The following GNE variants were observed in gnomAD, a reference collection of about 807,000 sequenced individuals.
The protein encoded by GNE is bifunctional UDP-N-acetylglucosamine 2-epimerase/N-acetylmannosamine kinase.
A neutral mutation model predicts 61.8 loss-of-function variants in GNE; 41 were observed. The ratio of observed to expected loss-of-function variants is 0.66; its 90% confidence interval spans 0.52 to 0.86. GNE has a LOEUF of 0.86. GNE is among the 40% of genes least tolerant of loss of function. The pLI, the probability that GNE is intolerant of heterozygous loss-of-function variation, is 0.00. For missense variants in GNE, 608 were observed against 909.1 expected (o/e 0.67, Z 4.26); for synonymous variants, 264 against 326.4 (o/e 0.81, Z 2.06).
chr9:36,260,851 AG>A (rs1427063209), upstream of GNE, among the ~76,000 whole-genome samples: 1 of 127,456 alleles, frequency 7.8e-6, no homozygotes, highest in Non-Finnish European at 1.6e-5. Flanking sequence ...CCTGGGCAAC[AG>A]AGCGAGACTC....
intron 1 of GNE, among the ~76,000 whole-genome samples, chr9:36,250,380 G>C (rs1887522): frequency 0.53 from 81,223 of 151,944 alleles, 23,233 homozygotes; most frequent in Non-Finnish European, 0.65. Context: ...ATCTCCTGCT[G>C]TATGTCCTAT....
chr9:36,235,226 C>A (rs1829341976), intron 4 of GNE, among the ~76,000 whole-genome samples: 1 of 152,160 alleles, frequency 6.6e-6, no homozygotes. Context: ...AACTGTAGTA[C>A]ATGGCACACC....
chr9:36,217,233 A>G lies in GNE; in HGVS notation c.*132T>C. 1.4e-6 allele frequency: 1 copy of G among 720,228 alleles called. No homozygotes were observed. The highest frequency in any genetic ancestry group is 1.5e-5 in the South Asian group (1 of 66,760). 44.6% of individuals were successfully genotyped at this position (720,228 alleles called of 1,614,324 possible). A position where few individuals can be genotyped will look rare whatever the true frequency, so the allele number is the denominator to read the frequency against. The stretch of plus-strand genomic sequence containing the variant: ...ACTCTGGAAGAGGAGACCAAAAGTG[A>G]AAACATTTCTCTGCCAAAGTCACCT... On this transcript the variant is annotated 3_prime_UTR_variant, in exon 12 of 12. Coordinates refer to ENST00000642385, the MANE Select transcript of GNE (RefSeq NM_005476.7).
At chr9:36,242,791 G>C (rs1332887408) in intron 3 of GNE, among the ~76,000 whole-genome samples, 1 of 135,748 alleles carries the variant, frequency 7.4e-6, no homozygotes, top group Admixed American at 7.9e-5. Context: ...AGGCTGGAGT[G>C]TGGAGTGCAG....
chr9:36,262,591 C>T (rs190401435), upstream of GNE, among the ~76,000 whole-genome samples: 228 of 152,262 alleles, frequency 1.5e-3, 1 homozygote, highest in Non-Finnish European at 1.6e-3. Flanking sequence ...AAAAAAATTA[C>T]TTATGGCTTT....
chr9:36,240,933 G>C (rs886505647), intron 3 of GNE, among the ~76,000 whole-genome samples: 1 of 152,076 alleles, frequency 6.6e-6, no homozygotes, highest in African/African-American at 2.4e-5. Flanking sequence ...TCTAGTTTAT[G>C]TGTGTCAAGG....
At chr9:36,224,105 T>G (rs894087039) in intron 7 of GNE, among the ~76,000 whole-genome samples, 3 of 151,824 alleles carry the variant, frequency 2.0e-5, no homozygotes, top group Non-Finnish European at 4.4e-5. Flanking sequence ...CCTAGTTCAT[T>G]AAAAGACCAT....
chr9:36,253,677 T>G (rs1830209694), intron 1 of GNE, among the ~76,000 whole-genome samples: 1 of 152,170 alleles, frequency 6.6e-6, no homozygotes, highest in Non-Finnish European at 1.5e-5. Context: ...TGCAAAATTT[T>G]GGAAATTGCT....
Position 36,227,329 on chromosome 9 carries a change from A to G in GNE, c.1200T>C (p.Ile400=), listed in dbSNP as rs1173945551. The change falls in exon 7 of 12, where the codon ATT becomes ATC. Residue 400 remains isoleucine (I), a synonymous_variant. Coordinates refer to ENST00000642385, the MANE Select transcript of GNE (RefSeq NM_005476.7). The stretch of plus-strand genomic sequence containing the variant: ...CACTTAGAGTTTCAAGAATATGGTC[A>G]ATATCTTGAGAGATATTCTCCTTCA... The part of the protein sequence containing the change: ...PPVKENISQD[I]DHILETLSAL... 5.6e-6 allele frequency: 9 copies of G among 1,613,256 alleles called. No individual in the cohort carries two copies. The highest frequency in any genetic ancestry group is 7.6e-6 in the Non-Finnish European group (9 of 1,179,148).
chr9:36,265,293 G>C (rs1401051425), intron 1 of GNE: 1 of 429,418 alleles, frequency 2.3e-6, no homozygotes, highest in Non-Finnish European at 4.7e-6. Flanking sequence ...GGAATCCGTG[G>C]GGCCAAGAAC....
exon 1 of GNE, chr9:36,276,972 G>A (rs1044591281): frequency 6.2e-7 from 1 of 1,613,052 alleles, no homozygotes; most frequent in Non-Finnish European, 8.5e-7. Context: ...GTACCCTAGT[G>A]TGGTTTGAAA....
upstream of GNE, among the ~76,000 whole-genome samples, chr9:36,261,640 G>C (rs547063885): frequency 6.6e-6 from 1 of 151,780 alleles, no homozygotes; most frequent in African/African-American, 2.4e-5. Flanking sequence ...TTGAAGTCAG[G>C]TCAGGCGTGG....
chr9:36,269,905 G>A (rs539485263), intron 1 of GNE, among the ~76,000 whole-genome samples: 89 of 151,826 alleles, frequency 5.9e-4, no homozygotes, highest in African/African-American at 2.0e-3. Context: ...CAGGTGATCC[G>A]CCCATCTTGG....
Position 36,227,233 on chromosome 9 carries a change from T to C in GNE, c.1281+15A>G, listed in dbSNP as rs763953740. On this transcript the variant is annotated intron_variant, in intron 7 of 11. Transcript: ENST00000642385. ...CATATGGGATATAAAGTTAGGAGTT[T>C]AGGAGTTATTTTACCTTCATGCTGA... The C allele has an allele frequency of 1.3e-6, 2 of 1,552,232 alleles. No homozygotes were observed. Among genetic ancestry groups the C allele is most frequent in the South Asian group, 1.1e-5 (1 of 89,756 alleles).
chr9:36,252,395 T>G (rs1830142231), intron 1 of GNE, among the ~76,000 whole-genome samples: 1 of 152,238 alleles, frequency 6.6e-6, no homozygotes, highest in African/African-American at 2.4e-5. Flanking sequence ...AAAAAATTGT[T>G]GGTAATATTT....
chr9:36,239,113 A>C (rs1387334898), intron 3 of GNE, among the ~76,000 whole-genome samples: 1 of 152,162 alleles, frequency 6.6e-6, no homozygotes, highest in African/African-American at 2.4e-5. Context: ...TACCAGTAAC[A>C]TGCTGTTTTG....
In GNE at chr9:36,216,967, C is replaced by T. The variant is rs576667117; in HGVS notation, c.*398G>A. 2.6e-4 allele frequency: 78 copies of T among 295,728 alleles called. 1 individual carries two copies. Among genetic ancestry groups the T allele is most frequent in the South Asian group, 2.3e-3 (70 of 30,470 alleles). The allele number at this position is 295,728 out of a possible 1,614,324, so 18.3% of individuals were successfully genotyped here. On this transcript the variant is annotated 3_prime_UTR_variant, in exon 12 of 12. Transcript: ENST00000642385. Reference sequence around the variant, plus strand: ...GATTACAGGCGTGAGCCACTGTGCCCGGCCTGGAAGGATTATTAATGCAAA... The same window carrying T: ...GATTACAGGCGTGAGCCACTGTGCCTGGCCTGGAAGGATTATTAATGCAAA...
upstream of GNE, among the ~76,000 whole-genome samples, chr9:36,261,356 A>G (rs1830611193): frequency 6.6e-6 from 1 of 151,908 alleles, no homozygotes; most frequent in Non-Finnish European, 1.5e-5. Flanking sequence ...CAGGAGATCG[A>G]GACCAGCCTG....
intron 5 of GNE, 145 bp downstream of exon 5, chr9:36,233,775 T>G (rs1247607132): frequency 1.2e-5 from 9 of 764,862 alleles, no homozygotes; most frequent in Admixed American, 3.5e-5. Context: ...ATTTATCGAC[T>G]ATAGATTTTA....
Sources: allele counts gnomAD v4.1 joint callset (sites outside exome capture counted in the v4.1 genomes callset), GRCh38; gene constraint gnomAD v4.1.1; transcripts MANE v1.5; gene names NCBI Gene and HGNC (gene_info 2026-07-23, HGNC 2026-07-21).